ZNF182: variants seen among roughly 807,000 people sequenced by gnomAD.
The protein encoded by ZNF182 is zinc finger protein 182, also known as zinc finger protein 21 (KOX 14).
ZNF182 carries 10 observed loss-of-function variants against 28.1 expected under a neutral mutation model. The ratio of observed to expected loss-of-function variants is 0.36; its 90% CI spans 0.22 to 0.60. ZNF182 has a LOEUF of 0.60. Ranked by LOEUF, ZNF182 falls within the 20% of genes least tolerant of loss-of-function variation. The probability of loss-of-function intolerance (pLI) is 0.75; values close to 1 mark genes in which losing one functional copy is unlikely to be tolerated. For missense variants in ZNF182, 352 were observed against 453.2 expected (o/e 0.78, Z 2.03); for synonymous variants, 156 against 158.7 (o/e 0.98, Z 0.13).
intron 3 of ZNF182, among the ~76,000 whole-genome samples, chrX:47,990,148 A>G (rs1478548517): frequency 9.0e-6 from 1 of 111,136 alleles, no homozygotes; most frequent in Non-Finnish European, 1.9e-5. Context: ...TTAATCACCA[A>G]CATCTACAAA....
intron 3 of ZNF182, among the ~76,000 whole-genome samples, chrX:47,987,979 G>A (rs1489881820): frequency 1.8e-5 from 2 of 111,337 alleles, no homozygotes; most frequent in African/African-American, 6.5e-5. Context: ...TCCACTTTCA[G>A]GACTGATATA....
At position 47,983,046 on chromosome X, in the gene ZNF182, T is replaced by C. The variant is rs782025892; in HGVS notation, c.143-8A>G. ...GTTTGGTAACCTGCTGCCCTGTTGA[T>C]GAGAAATGACAGTGATACCTCCTTG... On this transcript the variant is annotated splice_polypyrimidine_tract_variant and splice_region_variant and intron_variant, in intron 4 of 5. Transcript: ENST00000376943. 7.5e-6 allele frequency: 9 copies of C among 1,207,561 alleles called. No individual in the cohort carries two copies. The East Asian group carries it at 1.8e-4, about 24-fold the overall frequency.
intron 3 of ZNF182, among the ~76,000 whole-genome samples, chrX:48,000,098 T>C (rs1461360862): frequency 9.1e-6 from 1 of 109,999 alleles, no homozygotes; most frequent in African/African-American, 3.3e-5. Context: ...ATCGCACCAC[T>C]GCACTCCAGC....
chrX:47,977,638 A>T lies in ZNF182; in HGVS notation c.392T>A (p.Leu131His). The T allele has an allele frequency of 8.3e-7, 1 of 1,210,840 alleles. No individual in the cohort carries two copies. The highest frequency in any genetic ancestry group is 1.1e-6 in the Non-Finnish European group (1 of 894,764). ...ATCGGGTCTTTGTATTGAAGCAACA[A>T]GGTTTGTACTCAGATGAAGTATGTT... ...FGNILHLSTN[L>H]VASIQRPDKH... Residue 131 changes from leucine (L) to histidine (H), a missense_variant, in exon 6 of 6, where the codon CTT (leucine) becomes CAT (histidine). By Grantham distance (99) the Leu-to-His change is moderately conservative. Transcript: ENST00000376943.
rs1351230542 is a variant in ZNF182, at chrX:48,003,544, G to A, written c.-81C>T. The A allele has an allele frequency of 2.7e-5, 3 of 110,985 alleles. No homozygotes were observed. The highest frequency in any genetic ancestry group is 3.8e-5 in the Non-Finnish European group (2 of 52,984). 9.1% of individuals were successfully genotyped at this position (110,985 alleles called of 1,213,427 possible). On this transcript the variant is annotated 5_prime_UTR_variant, in exon 2 of 6. Coordinates refer to ENST00000376943, the MANE Select transcript of ZNF182 (RefSeq NM_001007088.2). ...CGCCTTGCCCAGAAGCCGGAAAGAG[G>A]CCTTCGGGTGCGGGGGTGCAGGTTC...
chrX:47,988,274 G>A (rs1445577372), intron 3 of ZNF182, among the ~76,000 whole-genome samples: 1 of 110,360 alleles, frequency 9.1e-6, no homozygotes, highest in Non-Finnish European at 1.9e-5. Flanking sequence ...CTGAGATCAC[G>A]CCACTGCACT....
chrX:47,988,180 G>A (rs1424597096), intron 3 of ZNF182, among the ~76,000 whole-genome samples: 1 of 110,865 alleles, frequency 9.0e-6, no homozygotes, highest in Non-Finnish European at 1.9e-5. Context: ...AGCTGGCAGT[G>A]GTGGTGCATG....
rs2058965484 is a variant in ZNF182, at chrX:47,998,129, A to G, written c.15+4466T>C. Reference sequence around the variant, plus strand: ...AGAGTCTCGCTCTGTTGCCCAGGCTAGAGTGCAATCAATGGCGTGATCTTG... The same window carrying G: ...AGAGTCTCGCTCTGTTGCCCAGGCTGGAGTGCAATCAATGGCGTGATCTTG... On this transcript the variant is annotated intron_variant, in intron 3 of 5. Transcript: ENST00000376943. Among the ~76,000 whole-genome samples the G allele has an allele frequency of 2.9e-5, 3 of 104,000 alleles. No homozygotes were observed. The South Asian group carries it at 1.4e-3, about 47-fold the overall frequency. 90.3% of individuals were successfully genotyped at this position (104,000 alleles called of 115,157 possible). A position where few individuals can be genotyped will look rare whatever the true frequency, so the allele number is the denominator to read the frequency against.
chrX:47,985,781 G>T (rs1240914400), intron 3 of ZNF182, among the ~76,000 whole-genome samples: 1 of 110,700 alleles, frequency 9.0e-6, no homozygotes, highest in Non-Finnish European at 1.9e-5. Flanking sequence ...ATTATGTTCT[G>T]CCAGCCTAGA....
chrX:47,984,791 TA>T (rs1304066714), intron 3 of ZNF182, among the ~76,000 whole-genome samples: 3 of 111,315 alleles, frequency 2.7e-5, no homozygotes, highest in African/African-American at 6.5e-5. Flanking sequence ...TGAGAATATA[TA>T]AAAAAAACTT....
intron 3 of ZNF182, among the ~76,000 whole-genome samples, chrX:47,991,818 AC>A (rs1185555993): frequency 9.1e-6 from 1 of 110,419 alleles, no homozygotes; most frequent in Non-Finnish European, 1.9e-5. Context: ...GTGTCTCTAA[AC>A]CCCCAACCTA....
Position 48,002,643 on chromosome X carries a change from T to A in ZNF182, c.-34A>T. On this transcript the variant is annotated 5_prime_UTR_variant, in exon 3 of 6. Coordinates refer to ENST00000376943, the MANE Select transcript of ZNF182 (RefSeq NM_001007088.2). Reference sequence around the variant, plus strand: ...CTTCTTGGGAAAAAGCAGAGATGTGTGACGGCCGAGCTGGAACAAGTGGAG... The same window carrying A: ...CTTCTTGGGAAAAAGCAGAGATGTGAGACGGCCGAGCTGGAACAAGTGGAG... The A allele has an allele frequency of 5.8e-6, 7 of 1,208,135 alleles. No homozygotes were observed. The highest frequency in any genetic ancestry group is 6.7e-6 in the Non-Finnish European group (6 of 893,454).
chrX:47,975,266 ATT>A lies in ZNF182; in HGVS notation c.*899_*900del, dbSNP rs782307149. ...GGAACCAGAACCCTGATATGGTGTCATTTAAACAGCTTCCAATCTTTTGTTTT... is the reference window on the plus strand; with the variant it reads ...GGAACCAGAACCCTGATATGGTGTCATAAACAGCTTCCAATCTTTTGTTTT... On this transcript the variant is annotated 3_prime_UTR_variant, in exon 6 of 6. Transcript: ENST00000376943. 1.8e-5 allele frequency: 2 copies of A among 108,507 alleles called. No homozygotes were observed. Among genetic ancestry groups the A allele is most frequent in the Non-Finnish European group, 3.8e-5 (2 of 52,349 alleles). 8.9% of individuals were successfully genotyped at this position (108,507 alleles called of 1,213,427 possible).
At chrX:47,988,943 G>T (rs1347719983) in intron 3 of ZNF182, among the ~76,000 whole-genome samples, 1 of 112,110 alleles carries the variant, frequency 8.9e-6, no homozygotes, top group East Asian at 2.8e-4. Flanking sequence ...CACAATAACT[G>T]ATTCAGGCAA....
chrX:48,001,349 A>G (rs954427841), intron 3 of ZNF182, among the ~76,000 whole-genome samples: 1 of 112,592 alleles, frequency 8.9e-6, no homozygotes, highest in Non-Finnish European at 1.9e-5. Context: ...ACTACTATTC[A>G]GCAATAACAA....
At position 47,983,321 on chromosome X, in the gene ZNF182, C is replaced by T. The variant is rs782079254; in HGVS notation, c.106G>A (p.Val36Met). The part of the protein sequence containing the change: ...NPPQRTLYRD[V>M]MLETYSNLVF... ...AAGTTGCTGTAGGTCTCCAGCATCA[C>T]GTCTCTGTACAGGGTCCTCTGTGGT... The change falls in exon 4 of 6, where the codon GTG becomes ATG. Residue 36 changes from valine to methionine, a missense_variant. Val to Met is a conservative substitution (Grantham distance 21, BLOSUM62 1). Transcript: ENST00000376943. 9.1e-6 allele frequency: 11 copies of T among 1,211,477 alleles called. No homozygotes were observed. The highest frequency in any genetic ancestry group is 3.0e-5 in the East Asian group (1 of 33,833).
intron 3 of ZNF182, among the ~76,000 whole-genome samples, chrX:47,995,305 C>G (rs1215014402): frequency 9.0e-6 from 1 of 111,211 alleles, no homozygotes; most frequent in African/African-American, 3.3e-5. Flanking sequence ...GTACTCCAGC[C>G]TGGGCGACAG....
chrX:47,994,931 A>C (rs1482527100), intron 3 of ZNF182, among the ~76,000 whole-genome samples: 1 of 108,792 alleles, frequency 9.2e-6, no homozygotes, highest in African/African-American at 3.3e-5. Flanking sequence ...GAGCCACTGC[A>C]CCTGGCCAAC....
In ZNF182 at chrX:47,976,213, G is replaced by A; in HGVS notation, c.1817C>T (p.Ala606Val). 1 of 1,174,361 alleles carries A rather than the reference G, an allele frequency of 8.5e-7. No individual in the cohort carries two copies. Among genetic ancestry groups the A allele is most frequent in the Non-Finnish European group, 1.1e-6 (1 of 880,540 alleles). The change falls in exon 6 of 6, where the codon GCC becomes GTC. Residue 606 changes from alanine (A) to valine (V), a missense_variant. Coordinates refer to ENST00000376943, the MANE Select transcript of ZNF182 (RefSeq NM_001007088.2). ...CTTCCGAGTGTGGCCTCTTCCATGG[G>A]CTTTCTTTCCTGCATGGGTTCGCTG... ...VHQRTHAGKK[A>V]HGRGHTRKSK...
Sources: gnomAD v4.1 joint callset for allele counts (sites outside exome capture counted in the v4.1 genomes callset) on GRCh38, gnomAD v4.1.1 for gene constraint, MANE v1.5 for transcripts, NCBI Gene and HGNC (gene_info 2026-07-23, HGNC 2026-07-21) for gene names.